Variants in TIMMDC1 observed in about 807,000 individuals in gnomAD.
TIMMDC1 encodes the protein complex I assembly factor TIMMDC1, mitochondrial.
Under a neutral mutation model 32.6 loss-of-function variants are expected in TIMMDC1, and 25 were observed. That is an observed-to-expected ratio of 0.77 (90% CI 0.56 to 1.07). TIMMDC1 has a LOEUF of 1.07. TIMMDC1 is among the 50% of genes least tolerant of loss of function. The pLI is 0.00. For synonymous variants in TIMMDC1, 130 were observed against 127.6 expected (o/e 1.02, Z -0.13); for missense variants, 329 against 349.2 (o/e 0.94, Z 0.46).
chr3:119,519,147 C>G (rs924109267), intron 6 of TIMMDC1, among the ~76,000 whole-genome samples: 1 of 143,412 alleles, frequency 7.0e-6, no homozygotes, highest in East Asian at 2.1e-4. Flanking sequence ...CTTATAATTA[C>G]AAAAATCTAC....
intron 4 of TIMMDC1, among the ~76,000 whole-genome samples, chr3:119,508,692 C>T (rs1479866691): frequency 1.3e-5 from 2 of 152,212 alleles, no homozygotes; most frequent in African/African-American, 4.8e-5. Flanking sequence ...GCCAGTCAGT[C>T]AGCCTTCAGG....
At position 119,508,514 on chromosome 3, in the gene TIMMDC1, G is replaced by A. The variant is rs951969650; in HGVS notation, c.517+4493G>A. Among the ~76,000 whole-genome samples, 15 of 152,192 alleles carry A rather than the reference G, an allele frequency of 9.9e-5. 1 individual carries two copies. The highest frequency in any genetic ancestry group is 9.8e-4 in the Admixed American group (15 of 15,284). ...GTGATAAACTCTAAACTTCTCACAT[G>A]CCATACCAGAAACTGGAAGTCTCCC... On this transcript the variant is annotated intron_variant, in intron 4 of 6. Transcript: ENST00000494664.
intron 2 of TIMMDC1, among the ~76,000 whole-genome samples, chr3:119,501,753 A>G (rs2081877494): frequency 6.6e-6 from 1 of 152,146 alleles, no homozygotes; most frequent in African/African-American, 2.4e-5. Context: ...CCTGGATCAC[A>G]TGTTGAATTT....
chr3:119,519,711 CAG>C (rs1264588842), intron 6 of TIMMDC1, among the ~76,000 whole-genome samples: 1 of 152,050 alleles, frequency 6.6e-6, no homozygotes, highest in Non-Finnish European at 1.5e-5. Context: ...ATCATCTAGA[CAG>C]AAAATCAACA....
chr3:119,500,843 A>C lies in TIMMDC1; in HGVS notation c.343A>C (p.Asn115His). 6.2e-7 allele frequency: 1 copy of C among 1,614,002 alleles called. No homozygotes were observed. Among genetic ancestry groups the C allele is most frequent in the South Asian group, 1.1e-5 (1 of 91,040 alleles). ...IEQSQAEIYH[N>H]RFDAVQSAHR... Reference sequence around the variant, plus strand: ...GCAGAGCCAGGCAGAAATTTATCATAACCGGTTTGATGCTGTGGTATGTAC... The same window carrying C: ...GCAGAGCCAGGCAGAAATTTATCATCACCGGTTTGATGCTGTGGTATGTAC... Residue 115 changes from asparagine (N) to histidine (H), a missense_variant, in exon 2 of 7, where the codon AAC becomes CAC. Coordinates refer to ENST00000494664, the MANE Select transcript of TIMMDC1 (RefSeq NM_016589.4).
At chr3:119,514,101 A>G (rs2107732690) in intron 5 of TIMMDC1, among the ~76,000 whole-genome samples, 1 of 151,210 alleles carries the variant, frequency 6.6e-6, no homozygotes, top group East Asian at 2.0e-4. Flanking sequence ...AAAAACAGTT[A>G]ACAAGCATAT....
intron 1 of TIMMDC1, 165 bp downstream of exon 1, chr3:119,499,092 C>CAT: frequency 2.5e-6 from 1 of 402,058 alleles, no homozygotes; most frequent in East Asian, 4.6e-5. Context: ...TTTTTTCTTT[C>CAT]TTTTTTTTTT....
chr3:119,517,266 A>G lies in TIMMDC1; in HGVS notation c.658A>G (p.Arg220Gly), dbSNP rs776252175. ...GTACTCTGGTGAGACTGTTCAGGAAAGAAAACAGAAGGATCGAAAGGCACT... is the reference window on the plus strand; with the variant it reads ...GTACTCTGGTGAGACTGTTCAGGAAGGAAAACAGAAGGATCGAAAGGCACT... ...QKYSGETVQE[R>G]KQKDRKALHE... The change falls in exon 6 of 7, where the codon AGA (arginine) becomes GGA (glycine). Residue 220 changes from arginine to glycine, a missense_variant. Arg to Gly is a moderately radical substitution (Grantham distance 125). Transcript: ENST00000494664. 60 of 1,613,840 alleles carry G rather than the reference A, an allele frequency of 3.7e-5. No homozygotes were observed. Among genetic ancestry groups the G allele is most frequent in the Non-Finnish European group, 4.7e-5 (56 of 1,179,854 alleles).
At chr3:119,522,516 A>G (rs2082033693) in intron 6 of TIMMDC1, among the ~76,000 whole-genome samples, 1 of 152,190 alleles carries the variant, frequency 6.6e-6, no homozygotes, top group Admixed American at 6.5e-5. Context: ...GGATGACTAT[A>G]GTTAATAATT....
At chr3:119,511,896 AAG>A (rs2081955541) in intron 4 of TIMMDC1, among the ~76,000 whole-genome samples, 3 of 152,228 alleles carry the variant, frequency 2.0e-5, no homozygotes, top group Admixed American at 1.3e-4. Flanking sequence ...AAAATAAACT[AAG>A]AGAATGCAGA....
chr3:119,523,724 C>CCTT lies in TIMMDC1; in HGVS notation c.828_830dup (p.Ser277dup). On this transcript the variant is annotated inframe_insertion, in exon 7 of 7. Transcript: ENST00000494664. ...AGCACTGCTAAACCTTCCTAGAAAC[C>CCTT]CTTCAGTAATAGATAAACAAGACAA... is the stretch of plus-strand genomic sequence containing the variant. 6.2e-7 allele frequency: 1 copy of CCTT among 1,611,394 alleles called. No homozygotes were observed. The highest frequency in any genetic ancestry group is 8.5e-7 in the Non-Finnish European group (1 of 1,178,956).
intron 6 of TIMMDC1, 134 bp from the exon 7 acceptor site, chr3:119,523,472 A>G: frequency 1.3e-6 from 1 of 768,988 alleles, no homozygotes; most frequent in Non-Finnish European, 2.0e-6. Context: ...TTTGAAGTTC[A>G]GGGAGCAGTA....
At chr3:119,516,147 T>G (rs1396671149) in intron 5 of TIMMDC1, among the ~76,000 whole-genome samples, 2 of 152,190 alleles carry the variant, frequency 1.3e-5, no homozygotes. Flanking sequence ...ATATTTTAAG[T>G]GTATAGTTCA....
At chr3:119,501,714 A>T (rs995071449) in intron 2 of TIMMDC1, among the ~76,000 whole-genome samples, 1 of 151,676 alleles carries the variant, frequency 6.6e-6, no homozygotes, top group Non-Finnish European at 1.5e-5. Context: ...AATTAATTAA[A>T]TTTTTTTTTG....
chr3:119,504,795 A>C (rs1428946359), intron 4 of TIMMDC1, among the ~76,000 whole-genome samples: 3 of 152,194 alleles, frequency 2.0e-5, no homozygotes, highest in Non-Finnish European at 4.4e-5. Context: ...TTTAAAAAGT[A>C]GATTTTGGCC....
chr3:119,514,601 AG>A (rs1401985543), intron 5 of TIMMDC1, among the ~76,000 whole-genome samples: 4 of 152,250 alleles, frequency 2.6e-5, no homozygotes, highest in African/African-American at 9.6e-5. Flanking sequence ...AATACAACAT[AG>A]GTGAAGTTGT....
intron 2 of TIMMDC1, among the ~76,000 whole-genome samples, chr3:119,501,372 T>C (rs555082960): frequency 6.6e-6 from 1 of 152,354 alleles, no homozygotes; most frequent in East Asian, 1.9e-4. Context: ...ATTTCCTATA[T>C]ACCTTTCATC....
At chr3:119,503,298 A>G (rs548025656) in intron 2 of TIMMDC1, among the ~76,000 whole-genome samples, 4 of 152,236 alleles carry the variant, frequency 2.6e-5, no homozygotes, top group Non-Finnish European at 4.4e-5. Flanking sequence ...TCTGGTCTCA[A>G]GTATCAGATA....
At chr3:119,511,280 C>T (rs2081950330) in intron 4 of TIMMDC1, among the ~76,000 whole-genome samples, 1 of 151,772 alleles carries the variant, frequency 6.6e-6, no homozygotes, top group Non-Finnish European at 1.5e-5. Context: ...GAGTTCGAGA[C>T]CAGCCTGGCC....
Sources: allele counts gnomAD v4.1 joint callset (sites outside exome capture counted in the v4.1 genomes callset), GRCh38; gene constraint gnomAD v4.1.1; transcripts MANE v1.5; gene names NCBI Gene and HGNC (gene_info 2026-07-23, HGNC 2026-07-21).